The following ARHGAP42 variants were observed in gnomAD, a reference collection of about 807,000 sequenced individuals.
ARHGAP42 encodes Rho GTPase activating protein 42.
A neutral mutation model predicts 125.0 loss-of-function variants in ARHGAP42; 63 were observed. The observed-to-expected ratio is 0.50, with a 90% confidence interval of 0.41 to 0.62. The LOEUF (loss-of-function observed/expected upper bound fraction) is 0.62, where lower values mean the gene tolerates loss of function less well. Ranked by LOEUF, ARHGAP42 falls within the 20% of genes least tolerant of loss-of-function variation. The pLI is 0.00. For synonymous variants in ARHGAP42, 339 were observed against 351.0 expected (o/e 0.97, Z 0.38); for missense variants, 766 against 1,024.2 (o/e 0.75, Z 3.44).
chr11:100,888,273 G>A (rs942340254), intron 4 of ARHGAP42, among the ~76,000 whole-genome samples: 3 of 151,820 alleles, frequency 2.0e-5, no homozygotes, highest in African/African-American at 4.8e-5. Context: ...AGCTTGACGT[G>A]TATCCCCAGG....
chr11:100,742,974 A>G (rs1461432361), intron 1 of ARHGAP42, among the ~76,000 whole-genome samples: 1 of 152,148 alleles, frequency 6.6e-6, no homozygotes, highest in African/African-American at 2.4e-5. Context: ...ATGTTAGGTG[A>G]GTCTCTTGAA....
At chr11:100,837,666 C>CTATTTTTTT (rs1555008871) in intron 3 of ARHGAP42, among the ~76,000 whole-genome samples, 4 of 61,040 alleles carry the variant, frequency 6.6e-5, no homozygotes, top group African/African-American at 2.8e-4. Flanking sequence ...AGGTGTCATC[C>CTATTTTTTT]TTTTTTTTTT....
intron 4 of ARHGAP42, among the ~76,000 whole-genome samples, chr11:100,903,392 T>C (rs913340795): frequency 3.9e-5 from 6 of 152,198 alleles, no homozygotes; most frequent in Middle Eastern, 6.8e-3. Context: ...ATCCAGGTTC[T>C]TTGTCATCCC....
chr11:100,840,386 C>A (rs1379431331), intron 3 of ARHGAP42, among the ~76,000 whole-genome samples: 2 of 152,078 alleles, frequency 1.3e-5, no homozygotes, highest in African/African-American at 4.8e-5. Context: ...AGAGGTGACT[C>A]AACAGATTGT....
chr11:100,710,570 C>T (rs1433107019), intron 1 of ARHGAP42, among the ~76,000 whole-genome samples: 4 of 98,042 alleles, frequency 4.1e-5, no homozygotes, highest in South Asian at 3.0e-4. Flanking sequence ...GACAGAGTCT[C>T]GCTCTGTCCC....
intron 1 of ARHGAP42, among the ~76,000 whole-genome samples, chr11:100,713,974 T>A (rs187894962): frequency 1.4e-4 from 22 of 152,326 alleles, no homozygotes; most frequent in African/African-American, 5.3e-4. Flanking sequence ...TCTTCTGTTC[T>A]TTTGCTGAAT....
chr11:100,907,268 C>T (rs143268316), intron 4 of ARHGAP42, among the ~76,000 whole-genome samples: 4 of 152,304 alleles, frequency 2.6e-5, no homozygotes, highest in East Asian at 3.9e-4. Flanking sequence ...TGTTACACTT[C>T]GGGTTTCCTC....
chr11:100,826,476 A>T (rs1427468821), intron 3 of ARHGAP42, among the ~76,000 whole-genome samples: 1 of 152,194 alleles, frequency 6.6e-6, no homozygotes, highest in Non-Finnish European at 1.5e-5. Flanking sequence ...AATACATTTC[A>T]AGACTATACA....
intron 1 of ARHGAP42, among the ~76,000 whole-genome samples, chr11:100,717,509 C>T (rs185635045): frequency 2.1e-4 from 32 of 151,754 alleles, no homozygotes; most frequent in African/African-American, 5.6e-4. Flanking sequence ...TGGTGGCGGG[C>T]GCCTGTAATC....
intron 1 of ARHGAP42, among the ~76,000 whole-genome samples, chr11:100,723,541 G>A (rs73003876): frequency 0.026 from 3,995 of 151,924 alleles, 84 homozygotes; most frequent in Middle Eastern, 0.065. Context: ...ATGGTGAAAT[G>A]TAAATGATGT....
intron 1 of ARHGAP42, among the ~76,000 whole-genome samples, chr11:100,702,275 A>C (rs1427417671): frequency 6.6e-6 from 1 of 152,192 alleles, no homozygotes; most frequent in Admixed American, 6.5e-5. Context: ...AGAAAAAGAA[A>C]AACAGAGATG....
intron 17 of ARHGAP42, among the ~76,000 whole-genome samples, chr11:100,969,528 A>T (rs1272600253): frequency 6.6e-6 from 1 of 151,658 alleles, no homozygotes; most frequent in Non-Finnish European, 1.5e-5. Context: ...TTTTCTGATG[A>T]TCTATCTTTC....
At chr11:100,913,934 T>A (rs1866995754) in intron 5 of ARHGAP42, among the ~76,000 whole-genome samples, 1 of 152,122 alleles carries the variant, frequency 6.6e-6, no homozygotes, top group African/African-American at 2.4e-5. Flanking sequence ...CACATTTTAT[T>A]TTATTTTATT....
chr11:100,873,987 T>A (rs1348302866), intron 4 of ARHGAP42, among the ~76,000 whole-genome samples: 2 of 152,194 alleles, frequency 1.3e-5, no homozygotes, highest in Non-Finnish European at 2.9e-5. Flanking sequence ...TTAATAATTA[T>A]TTACATTAGA....
chr11:100,822,622 T>C (rs1315943508), intron 3 of ARHGAP42, among the ~76,000 whole-genome samples: 1 of 152,174 alleles, frequency 6.6e-6, no homozygotes, highest in Non-Finnish European at 1.5e-5. Context: ...TACAGTGATT[T>C]AATCTGAAAG....
At chr11:100,935,861 G>A (rs1228907806) in intron 7 of ARHGAP42, among the ~76,000 whole-genome samples, 6 of 152,132 alleles carry the variant, frequency 3.9e-5, no homozygotes, top group Non-Finnish European at 5.9e-5. Flanking sequence ...TTTCTGGGCC[G>A]GTCAGGTGGC....
chr11:100,900,501 G>T (rs1866514434), intron 4 of ARHGAP42, among the ~76,000 whole-genome samples: 1 of 152,148 alleles, frequency 6.6e-6, no homozygotes, highest in African/African-American at 2.4e-5. Flanking sequence ...CCTGAAGAGT[G>T]TTTTCCAGCT....
chr11:100,699,801 G>A (rs962878867), intron 1 of ARHGAP42, among the ~76,000 whole-genome samples: 1 of 151,952 alleles, frequency 6.6e-6, no homozygotes, highest in African/African-American at 2.4e-5. Context: ...GGGATTACAG[G>A]CATGAGCCAC....
Position 100,992,016 on chromosome 11 carries a change from T to A in ARHGAP42, c.*3215T>A, listed in dbSNP as rs1858842639. 1 of 318,680 alleles carries A rather than the reference T, an allele frequency of 3.1e-6. No homozygotes were observed. The highest frequency in any genetic ancestry group is 1.2e-4 in the South Asian group (1 of 8,438). The allele number at this position is 318,680 out of a possible 1,614,324, so 19.7% of individuals were successfully genotyped here. ...CACTATGTTGTGAGGCAAACAGATTTCTCACTATCATCCAGTGTACCCTGC... is the reference window on the plus strand; with the variant it reads ...CACTATGTTGTGAGGCAAACAGATTACTCACTATCATCCAGTGTACCCTGC... On this transcript the variant is annotated 3_prime_UTR_variant, in exon 24 of 24. Coordinates refer to ENST00000298815, the MANE Select transcript of ARHGAP42 (RefSeq NM_152432.4).
Sources: allele counts gnomAD v4.1 joint callset (sites outside exome capture counted in the v4.1 genomes callset), GRCh38; gene constraint gnomAD v4.1.1; transcripts MANE v1.5; gene names NCBI Gene and HGNC (gene_info 2026-07-23, HGNC 2026-07-21).